Variants in BRD7 observed in about 807,000 individuals in gnomAD.
The protein encoded by BRD7 is bromodomain-containing protein 7.
Under a neutral mutation model 82.1 loss-of-function variants are expected in BRD7, and 15 were observed. That is an observed-to-expected ratio of 0.18 (90% CI 0.12 to 0.28). The LOEUF (loss-of-function observed/expected upper bound fraction) is 0.28, where lower values mean the gene tolerates loss of function less well. Among genes scored for constraint, BRD7 ranks in the 10% least tolerant of loss-of-function variants. The pLI is 1.00. For missense variants in BRD7, 638 were observed against 779.9 expected (o/e 0.82, Z 2.17); for synonymous variants, 232 against 266.9 (o/e 0.87, Z 1.27).
intron 8 of BRD7, among the ~76,000 whole-genome samples, chr16:50,329,647 T>A (rs886621996): frequency 6.6e-6 from 1 of 152,152 alleles, no homozygotes; most frequent in African/African-American, 2.4e-5. Flanking sequence ...GGAGTGATTG[T>A]CGGCTGAGAG....
chr16:50,321,566 C>CAAAAAAAA (rs60824563), intron 13 of BRD7, among the ~76,000 whole-genome samples: 1 of 67,446 alleles, frequency 1.5e-5, no homozygotes, highest in African/African-American at 5.9e-5. Context: ...GACTCCATCT[C>CAAAAAAAA]AAAAAAAAAA....
intron 6 of BRD7, among the ~76,000 whole-genome samples, chr16:50,337,149 A>G (rs553994040): frequency 1.4e-4 from 21 of 151,986 alleles, no homozygotes; most frequent in Non-Finnish European, 2.8e-4. Context: ...CAAAGCCACT[A>G]TGCTACAAAT....
At chr16:50,342,020 G>A (rs1292558797) in intron 5 of BRD7, among the ~76,000 whole-genome samples, 2 of 151,458 alleles carry the variant, frequency 1.3e-5, no homozygotes, top group African/African-American at 4.9e-5. Flanking sequence ...AGGCCGTTGA[G>A]CTTTCCCTAG....
intron 16 of BRD7, among the ~76,000 whole-genome samples, chr16:50,319,608 TAAA>T (rs999691905): frequency 6.6e-6 from 1 of 152,208 alleles, no homozygotes; most frequent in African/African-American, 2.4e-5. Context: ...AAAACCCAAT[TAAA>T]AAAATACAAC....
At chr16:50,349,509 T>C (rs2038432498) in intron 5 of BRD7, 2 of 468,476 alleles carry the variant, frequency 4.3e-6, no homozygotes, top group African/African-American at 4.0e-5. Flanking sequence ...CCCTTCATGT[T>C]CCAGTACGAT....
chr16:50,319,676 T>C (rs746969469), intron 16 of BRD7, among the ~76,000 whole-genome samples: 7 of 152,158 alleles, frequency 4.6e-5, no homozygotes, highest in Non-Finnish European at 1.0e-4. Flanking sequence ...CTATGAAGTA[T>C]ATAAGTAGAG....
chr16:50,368,818 C>T lies in BRD7; in HGVS notation c.-44G>A, dbSNP rs758378421. On this transcript the variant is annotated 5_prime_UTR_variant, in exon 1 of 17. Transcript: ENST00000394688. ...GCCCGCCCCCCGCGCCAGGCCCAGGCCGTGCGGCGCCGCTTCCGGTCCGGG... is the reference window on the plus strand; with the variant it reads ...GCCCGCCCCCCGCGCCAGGCCCAGGTCGTGCGGCGCCGCTTCCGGTCCGGG... 3 of 1,423,126 alleles carry T rather than the reference C, an allele frequency of 2.1e-6. No homozygotes were observed. Among genetic ancestry groups the T allele is most frequent in the Non-Finnish European group, 2.8e-6 (3 of 1,076,052 alleles). 88.2% of individuals were successfully genotyped at this position (1,423,126 alleles called of 1,614,324 possible). A position where few individuals can be genotyped will look rare whatever the true frequency, so the allele number is the denominator to read the frequency against.
At chr16:50,361,625 A>T (rs1176674416) in intron 2 of BRD7, among the ~76,000 whole-genome samples, 1 of 152,208 alleles carries the variant, frequency 6.6e-6, no homozygotes, top group Admixed American at 6.5e-5. Flanking sequence ...TACTGTTACC[A>T]GATTTATGTT....
At position 50,316,476 on chromosome 16, in the gene BRD7, G is replaced by C. The variant is rs955013581; in HGVS notation, c.*2735C>G. The C allele has an allele frequency of 2.6e-5, 4 of 152,358 alleles. No individual in the cohort carries two copies. The highest frequency in any genetic ancestry group is 4.4e-5 in the Non-Finnish European group (3 of 68,048). The allele number at this position is 152,358 out of a possible 1,614,324, so 9.4% of individuals were successfully genotyped here. On this transcript the variant is annotated 3_prime_UTR_variant, in exon 17 of 17. Coordinates refer to ENST00000394688, the MANE Select transcript of BRD7 (RefSeq NM_013263.5). ...ACTTTTCTTACCAGAAAGGAATGGA[G>C]TCTGTTTAGAGACAACTTGGACAAC...
In BRD7 at chr16:50,349,485, GA is replaced by G. The variant is rs1186663933; in HGVS notation, c.591+537del. The G allele has an allele frequency of 2.2e-5, 10 of 465,066 alleles. No homozygotes were observed. In the East Asian group the frequency reaches 2.8e-4, roughly 13 times the overall value. 28.8% of individuals were successfully genotyped at this position (465,066 alleles called of 1,614,324 possible). A position where few individuals can be genotyped will look rare whatever the true frequency, so the allele number is the denominator to read the frequency against. ...TCACTCTCTCCTGCTGCCATGTGAA[GA>G]CGTGCTTGCTTCCCCTTCATGTTCC... On this transcript the variant is annotated intron_variant, in intron 5 of 16. Coordinates refer to ENST00000394688, the MANE Select transcript of BRD7 (RefSeq NM_013263.5).
chr16:50,341,641 T>TTAA (rs1390396400), intron 5 of BRD7, among the ~76,000 whole-genome samples: 1 of 45,442 alleles, frequency 2.2e-5, no homozygotes, highest in Non-Finnish European at 4.0e-5. Context: ...AGACTCGGTC[T>TTAA]CAAAAAAAAA....
intron 2 of BRD7, among the ~76,000 whole-genome samples, chr16:50,363,660 T>TGTGTGTGTGCGCGC (rs138025982): frequency 2.0e-5 from 2 of 102,402 alleles, no homozygotes; most frequent in Admixed American, 1.9e-4. Flanking sequence ...TGTGTGTGTG[T>TGTGTGTGTGCGCGC]GCGCGCGCGC....
chr16:50,362,854 T>G (rs895533722), intron 2 of BRD7, among the ~76,000 whole-genome samples: 3 of 152,190 alleles, frequency 2.0e-5, no homozygotes, highest in Non-Finnish European at 4.4e-5. Flanking sequence ...CACAAAAATG[T>G]AAATACATTT....
chr16:50,337,971 C>T (rs770297892), intron 6 of BRD7, among the ~76,000 whole-genome samples: 7 of 152,056 alleles, frequency 4.6e-5, no homozygotes, highest in East Asian at 1.9e-4. Context: ...CCATTCCACA[C>T]GCCAGTAAAA....
chr16:50,368,979 C>CGG lies in BRD7; in HGVS notation c.-207_-206dup. The CGG allele has an allele frequency of 6.7e-6, 1 of 149,646 alleles. No homozygotes were observed. Among genetic ancestry groups the CGG allele is most frequent in the Non-Finnish European group, 1.4e-5 (1 of 69,902 alleles). 9.3% of individuals were successfully genotyped at this position (149,646 alleles called of 1,614,324 possible). On this transcript the variant is annotated 5_prime_UTR_variant, in exon 1 of 17. Coordinates refer to ENST00000394688, the MANE Select transcript of BRD7 (RefSeq NM_013263.5). ...CCCGGCCGGAGCCCGAGAGCGGCGGCGGGGGGGGCGCGCGGCCGGCGCAGA... is the reference window on the plus strand; with the variant it reads ...CCCGGCCGGAGCCCGAGAGCGGCGGCGGGGGGGGGGCGCGCGGCCGGCGCAGA...
At chr16:50,339,738 G>C (rs1398458277) in intron 6 of BRD7, among the ~76,000 whole-genome samples, 1 of 152,120 alleles carries the variant, frequency 6.6e-6, no homozygotes, top group Non-Finnish European at 1.5e-5. Flanking sequence ...TATGTCTTAA[G>C]AGATAATTAC....
At chr16:50,319,747 G>T in intron 16 of BRD7, 140 bp downstream of exon 16, 2 of 1,034,568 alleles carry the variant, frequency 1.9e-6, no homozygotes, top group Non-Finnish European at 2.8e-6. Flanking sequence ...TTATGTTAGG[G>T]ACTTGAGCAT....
chr16:50,339,126 C>T (rs2037940055), intron 6 of BRD7, among the ~76,000 whole-genome samples: 1 of 152,214 alleles, frequency 6.6e-6, no homozygotes, highest in Non-Finnish European at 1.5e-5. Flanking sequence ...GTGTCTGTGC[C>T]TACGCACACA....
chr16:50,339,898 T>A, intron 6 of BRD7, 78 bp downstream of exon 6: 1 of 743,028 alleles, frequency 1.3e-6, no homozygotes, highest in Non-Finnish European at 2.2e-6. Flanking sequence ...AATACTGTAT[T>A]GTATCTGTAT....
Sources: allele counts gnomAD v4.1 joint callset (sites outside exome capture counted in the v4.1 genomes callset), GRCh38; gene constraint gnomAD v4.1.1; transcripts MANE v1.5; gene names NCBI Gene and HGNC (gene_info 2026-07-23, HGNC 2026-07-21).